The following SI variants were observed in gnomAD, a reference collection of about 807,000 sequenced individuals.
SI encodes the protein sucrase-isomaltase, also known as sucrase-isomaltase, intestinal.
SI carries 235 observed loss-of-function variants against 253.3 expected under a neutral mutation model. That is an observed-to-expected ratio of 0.93 (90% CI 0.83 to 1.03). SI has a LOEUF of 1.03. Among genes scored for constraint, SI ranks in the 50% least tolerant of loss-of-function variants. The pLI, the probability that SI is intolerant of heterozygous loss-of-function variation, is 0.00. For synonymous variants in SI, 819 were observed against 712.0 expected (o/e 1.15, Z -2.39); for missense variants, 2,442 against 2,211.1 (o/e 1.10, Z -2.09).
At chr3:165,010,000 A>G (rs1219861144) in intron 34 of SI, among the ~76,000 whole-genome samples, 1 of 152,190 alleles carries the variant, frequency 6.6e-6, no homozygotes, top group Non-Finnish European at 1.5e-5. Flanking sequence ...TTAATTGGGT[A>G]TGTCTCAAAA....
intron 22 of SI, among the ~76,000 whole-genome samples, chr3:165,033,799 A>G (rs1032188560): frequency 6.6e-6 from 1 of 151,356 alleles, no homozygotes; most frequent in Non-Finnish European, 1.5e-5. Context: ...ATAACAGTAC[A>G]TTTTTCTTAG....
At position 165,017,838 on chromosome 3, in the gene SI, G is replaced by GGTAA; in HGVS notation, c.3552_3555dup (p.Arg1186LeufsTer27). 1 of 1,612,878 alleles carries GGTAA rather than the reference G, an allele frequency of 6.2e-7. No individual in the cohort carries two copies. The highest frequency in any genetic ancestry group is 8.5e-7 in the Non-Finnish European group (1 of 1,179,300). On this transcript the variant is annotated frameshift_variant, in exon 30 of 48. Transcript: ENST00000264382. LOFTEE classifies it high-confidence loss of function. The stretch of plus-strand genomic sequence containing the variant: ...AAATCCAAGATCCCTCCAACTGTAC[G>GGTAA]GTAAGTTAGAGCAGGAGTTGGCTGG...
At chr3:165,059,344 C>T in intron 10 of SI, 45 bp from the exon 11 acceptor site, 1 of 1,585,016 alleles carries the variant, frequency 6.3e-7, no homozygotes, top group Non-Finnish European at 8.7e-7. Flanking sequence ...ACTGAAAGAG[C>T]TCTCTAATCA....
chr3:165,012,885 T>C, intron 34 of SI, 95 bp downstream of exon 34: 2 of 842,920 alleles, frequency 2.4e-6, no homozygotes, highest in South Asian at 2.7e-5. Context: ...CATCTATTTT[T>C]AAAGAAAAGC....
chr3:165,088,358 A>G, the SI span, among the ~76,000 whole-genome samples: 1 of 147,924 alleles, frequency 6.8e-6, no homozygotes, highest in African/African-American at 2.5e-5. Context: ...AAAAATAAAT[A>G]AATAGGCCAG....
chr3:165,078,323 C>T (rs1231049351), intron 1 of SI, 110 bp downstream of exon 1: 1 of 151,758 alleles, frequency 6.6e-6, no homozygotes, highest in Non-Finnish European at 1.5e-5. Flanking sequence ...TATGATATTG[C>T]TATTTTAGCC....
chr3:164,979,120 A>G lies in SI; in HGVS notation c.*242T>C. 2.3e-6 allele frequency: 1 copy of G among 439,788 alleles called. No individual in the cohort carries two copies. The highest frequency in any genetic ancestry group is 4.1e-6 in the Non-Finnish European group (1 of 242,708). 27.2% of individuals were successfully genotyped at this position (439,788 alleles called of 1,614,324 possible). ...TAACTAGTTTACAATTGTAGCTGAT[A>G]CTTAACAAGGATAAATAGGGCTATT... On this transcript the variant is annotated 3_prime_UTR_variant, in exon 48 of 48. Coordinates refer to ENST00000264382, the MANE Select transcript of SI (RefSeq NM_001041.4).
chr3:165,038,981 A>G (rs1712677016), intron 20 of SI, 97 bp downstream of exon 20: 1 of 728,828 alleles, frequency 1.4e-6, no homozygotes, highest in Non-Finnish European at 2.4e-6. Context: ...AAAAATATGT[A>G]TGCTATGTAG....
Position 164,991,388 on chromosome 3 carries a change from T to C in SI, c.5073A>G (p.Leu1691=). 4 of 1,613,776 alleles carry C rather than the reference T, an allele frequency of 2.5e-6. No homozygotes were observed. The highest frequency in any genetic ancestry group is 3.4e-6 in the Non-Finnish European group (4 of 1,179,806). The stretch of plus-strand genomic sequence containing the variant: ...TGTTTTGAGCTGGCTCTTGACATGG[T>C]AGGATGTGACCACCACGGACATGTA... ...INLHVRGGHI[L]PCQEPAQNTF... Residue 1691 remains leucine, a synonymous_variant, in exon 44 of 48, where the codon CTA becomes CTG. Transcript: ENST00000264382.
chr3:164,982,003 G>A (rs898549666), intron 47 of SI, among the ~76,000 whole-genome samples: 1 of 152,074 alleles, frequency 6.6e-6, no homozygotes, highest in South Asian at 2.1e-4. Context: ...AAAGTTTTAA[G>A]TTAATTTTGC....
rs964111225 is a variant in SI at position 165,070,563 on chromosome 3, CA to C, written c.256-1369del. Among the ~76,000 whole-genome samples, 39 of 150,304 alleles carry C rather than the reference CA, an allele frequency of 2.6e-4. No homozygotes were observed. The Admixed American group carries it at 2.6e-3, about 10-fold the overall frequency. Reference sequence around the variant, plus strand: ...CTAGCAATACAAAGAGACAATTCTACAAAAAAAATTACTTACAGCAGTCTCT... The same window carrying C: ...CTAGCAATACAAAGAGACAATTCTACAAAAAAATTACTTACAGCAGTCTCT... On this transcript the variant is annotated intron_variant, in intron 3 of 47. Coordinates refer to ENST00000264382, the MANE Select transcript of SI (RefSeq NM_001041.4).
In SI at chr3:164,998,689, A is replaced by C. The variant is rs1718130181; in HGVS notation, c.4407-16T>G. On this transcript the variant is annotated splice_polypyrimidine_tract_variant and intron_variant, in intron 37 of 47. Transcript: ENST00000264382. ...CTGCAATGCACTAATATAGTAGAGA[A>C]GTATTTTTGAGTTTTTACATGAGAT... The C allele has an allele frequency of 1.2e-6, 2 of 1,604,624 alleles. No homozygotes were observed. The highest frequency in any genetic ancestry group is 2.2e-5 in the South Asian group (2 of 90,930).
intron 7 of SI, 100 bp downstream of exon 7, chr3:165,065,161 T>G: frequency 1.3e-6 from 1 of 766,478 alleles, no homozygotes; most frequent in Non-Finnish European, 2.2e-6. Flanking sequence ...TCAAATAGTT[T>G]AGTTGATCAG....
chr3:165,062,693 T>G (rs1714045606), intron 8 of SI, among the ~76,000 whole-genome samples: 9 of 152,032 alleles, frequency 5.9e-5, no homozygotes, highest in Admixed American at 5.9e-4. Flanking sequence ...ATATCCCAGC[T>G]ATTTTCTTTC....
At chr3:164,995,054 T>G (rs1717947993) in intron 40 of SI, among the ~76,000 whole-genome samples, 1 of 151,602 alleles carries the variant, frequency 6.6e-6, no homozygotes, top group African/African-American at 2.4e-5. Context: ...GCAAGAAAAG[T>G]TATTACTATT....
At chr3:165,020,931 T>C (rs1044455165) in intron 27 of SI, among the ~76,000 whole-genome samples, 5 of 151,740 alleles carry the variant, frequency 3.3e-5, no homozygotes, top group African/African-American at 9.6e-5. Flanking sequence ...CCAACACTTA[T>C]CATGCTTTTT....
At position 165,021,302 on chromosome 3, in the gene SI, TG is replaced by T. The variant is rs1245149389; in HGVS notation, c.3180del (p.Asp1060GlufsTer67). On this transcript the variant is annotated frameshift_variant, in exon 27 of 48. Transcript: ENST00000264382. LOFTEE classifies it high-confidence loss of function. ...TCCTTGATTTCCACATCATAAAGTC[TG>T]TCTTCATAAGTACTTATTGGGGTGG... ...IPTTPISTYEDRLYDVEIKEN... is the reference protein window; with the variant it reads ...IPTTPISTYEXRLYDVEIKEN... 2 of 1,611,440 alleles carry T rather than the reference TG, an allele frequency of 1.2e-6. No individual in the cohort carries two copies. Among genetic ancestry groups the T allele is most frequent in the Non-Finnish European group, 1.7e-6 (2 of 1,178,122 alleles).
At chr3:165,006,205 T>C (rs542973825) in intron 37 of SI, among the ~76,000 whole-genome samples, 81 of 152,274 alleles carry the variant, frequency 5.3e-4, no homozygotes, top group Non-Finnish European at 9.0e-4. Flanking sequence ...GCCGCCCAGG[T>C]CCAAGCGATT....
chr3:165,070,385 A>G (rs1293484084), intron 3 of SI, among the ~76,000 whole-genome samples: 2 of 144,932 alleles, frequency 1.4e-5, no homozygotes, highest in East Asian at 4.0e-4. Context: ...TGTGTGTTTG[A>G]GTATGTATTT....
Sources: allele counts gnomAD v4.1 joint callset (sites outside exome capture counted in the v4.1 genomes callset), GRCh38; gene constraint gnomAD v4.1.1; transcripts MANE v1.5; gene names NCBI Gene and HGNC (gene_info 2026-07-23, HGNC 2026-07-21).